Variants in ADAMTS18 observed in about 807,000 individuals in gnomAD.
ADAMTS18 encodes the protein ADAM metallopeptidase with thrombospondin type 1 motif 18, also known as A disintegrin and metalloproteinase with thrombospondin motifs 18.
Under a neutral mutation model 165.9 loss-of-function variants are expected in ADAMTS18, and 157 were observed. The ratio of observed to expected loss-of-function variants is 0.95; its 90% CI spans 0.83 to 1.08. The LOEUF is 1.08. Ranked by LOEUF, ADAMTS18 falls within the 50% of genes least tolerant of loss-of-function variation. The pLI is 0.00. For synonymous variants in ADAMTS18, 782 were observed against 578.2 expected, an observed-to-expected ratio of 1.35 and a Z score of -5.06; for missense variants, 2,040 against 1,534.0, an observed-to-expected ratio of 1.33 and a Z score of -5.51.
At chr16:77,287,381 C>T (rs1224451450) in intron 22 of ADAMTS18, among the ~76,000 whole-genome samples, 2 of 152,166 alleles carry the variant, frequency 1.3e-5, no homozygotes, top group African/African-American at 4.8e-5. Flanking sequence ...AAATCCTCAA[C>T]TTAGTAAACT....
intron 3 of ADAMTS18, among the ~76,000 whole-genome samples, chr16:77,426,947 G>A (rs920211273): frequency 3.3e-5 from 5 of 152,166 alleles, no homozygotes; most frequent in Non-Finnish European, 4.4e-5. Context: ...CTGGGAAGTT[G>A]AGGCTCCAGT....
chr16:77,329,079 C>G (rs1398681738), intron 12 of ADAMTS18, among the ~76,000 whole-genome samples: 1 of 151,654 alleles, frequency 6.6e-6, no homozygotes, highest in Non-Finnish European at 1.5e-5. Context: ...AGGGAGCTGG[C>G]CTTTTACAAT....
chr16:77,291,628 G>T, intron 20 of ADAMTS18, 150 bp from the exon 21 acceptor site: 1 of 856,564 alleles, frequency 1.2e-6, no homozygotes, highest in Non-Finnish European at 2.0e-6. Flanking sequence ...GGATCTTACA[G>T]ATACAGCAGC....
chr16:77,378,501 T>C (rs1051271244), intron 3 of ADAMTS18, among the ~76,000 whole-genome samples: 2 of 152,070 alleles, frequency 1.3e-5, no homozygotes, highest in African/African-American at 4.8e-5. Context: ...GATCACTTGA[T>C]GTCAGGAGTT....
chr16:77,334,410 A>G (rs2056253766), intron 12 of ADAMTS18, among the ~76,000 whole-genome samples: 1 of 112,886 alleles, frequency 8.9e-6, no homozygotes, highest in African/African-American at 3.7e-5. Context: ...ATATTATAGT[A>G]TATATTATAT....
chr16:77,314,164 G>C (rs939962285), intron 16 of ADAMTS18, among the ~76,000 whole-genome samples: 1 of 152,022 alleles, frequency 6.6e-6, no homozygotes, highest in Non-Finnish European at 1.5e-5. Context: ...GATGGGACTG[G>C]GTATCTCCAG....
chr16:77,365,738 C>T (rs1005502538), intron 4 of ADAMTS18, among the ~76,000 whole-genome samples: 1 of 152,102 alleles, frequency 6.6e-6, no homozygotes, highest in Non-Finnish European at 1.5e-5. Context: ...CTAACTAGTA[C>T]AGAAATAGTT....
intron 3 of ADAMTS18, among the ~76,000 whole-genome samples, chr16:77,383,940 T>A (rs2057069922): frequency 6.6e-6 from 1 of 152,102 alleles, no homozygotes; most frequent in South Asian, 2.1e-4. Context: ...AAGCCAACCT[T>A]GTCATTTTCT....
intron 12 of ADAMTS18, among the ~76,000 whole-genome samples, chr16:77,332,386 T>G (rs185810232): frequency 8.5e-5 from 13 of 152,294 alleles, no homozygotes; most frequent in Non-Finnish European, 1.6e-4. Context: ...GAGCTTGGGA[T>G]GAGGATGATG....
chr16:77,321,969 A>T (rs1161375627), intron 14 of ADAMTS18, among the ~76,000 whole-genome samples: 1 of 152,048 alleles, frequency 6.6e-6, no homozygotes, highest in Non-Finnish European at 1.5e-5. Context: ...CAGTCGGGCC[A>T]ACATGGCGAA....
At chr16:77,368,696 C>T (rs528037843) in intron 3 of ADAMTS18, among the ~76,000 whole-genome samples, 43 of 152,090 alleles carry the variant, frequency 2.8e-4, no homozygotes, top group African/African-American at 1.0e-3. Flanking sequence ...CAGGTGTGAG[C>T]CACCAGTTCT....
chr16:77,323,557 C>CTT (rs34433387), intron 13 of ADAMTS18, among the ~76,000 whole-genome samples: 2 of 141,080 alleles, frequency 1.4e-5, no homozygotes, highest in Non-Finnish European at 1.6e-5. Context: ...TAGAAAGTTC[C>CTT]TTTTTTTTTT....
chr16:77,322,234 T>G (rs1170297855), intron 14 of ADAMTS18, 102 bp downstream of exon 14: 2 of 1,411,146 alleles, frequency 1.4e-6, no homozygotes, highest in Non-Finnish European at 2.0e-6. Context: ...TGCCACCTGC[T>G]CTTCTCCAGA....
intron 3 of ADAMTS18, among the ~76,000 whole-genome samples, chr16:77,424,757 C>G (rs1395767745): frequency 6.6e-6 from 1 of 152,144 alleles, no homozygotes; most frequent in African/African-American, 2.4e-5. Context: ...AAGAAAACAT[C>G]ACTGATTTCA....
intron 3 of ADAMTS18, among the ~76,000 whole-genome samples, chr16:77,391,139 C>A (rs543391169): frequency 1.2e-4 from 18 of 152,088 alleles, no homozygotes; most frequent in Non-Finnish European, 2.2e-4. Context: ...AAGTTAAACG[C>A]ACAAATAGTT....
rs767266061 is a variant in ADAMTS18 at position 77,367,670 on chromosome 16, C to A, written c.549G>T (p.Gln183His). 1.2e-6 allele frequency: 2 copies of A among 1,614,158 alleles called. No homozygotes were observed. Among genetic ancestry groups the A allele is most frequent in the Non-Finnish European group, 1.7e-6 (2 of 1,180,034 alleles). The change falls in exon 4 of 23, where the codon CAG becomes CAT. Residue 183 changes from glutamine to histidine, a missense_variant. Coordinates refer to ENST00000282849, the MANE Select transcript of ADAMTS18 (RefSeq NM_199355.4). The stretch of plus-strand genomic sequence containing the variant: ...TGTAGTTGTGTTCCTGGGCCAGAAG[C>A]TGAGGTAATGGCGAGATGAGGAATT... ...KNEFLISPLP[Q>H]LLAQEHNYSS...
chr16:77,321,160 C>G lies in ADAMTS18; in HGVS notation c.2206G>C (p.Asp736His). 1 of 1,614,184 alleles carries G rather than the reference C, an allele frequency of 6.2e-7. No homozygotes were observed. Among genetic ancestry groups the G allele is most frequent in the Non-Finnish European group, 8.5e-7 (1 of 1,180,026 alleles). Residue 736 changes from aspartate to histidine, a missense_variant, in exon 15 of 23, where the codon GAT becomes CAT. Physicochemically the swap from Asp to His is moderately conservative, Grantham distance 81. Transcript: ENST00000282849. Reference protein sequence around the residue: ...DHELGSKAVSDACGVCKGDNS... With the variant: ...DHELGSKAVSHACGVCKGDNS... ...TCACCTTTGCAAACGCCACAAGCAT[C>G]TGAAACTGCTTTAGAGCCTAGTTCA...
intron 3 of ADAMTS18, among the ~76,000 whole-genome samples, chr16:77,411,608 T>G (rs59735826): frequency 2.0e-5 from 3 of 151,610 alleles, no homozygotes; most frequent in Admixed American, 6.6e-5. Context: ...AACTTTACCA[T>G]TGAATGGTGA....
chr16:77,319,933 C>G lies in ADAMTS18; in HGVS notation c.2448G>C (p.Gly816=). ...IDWPGEFPFA[G]TTFEYQRSFN... ...AAGAGCGCTGGTATTCAAACGTGGT[C>G]CCAGCGAAGGGGAACTCCCCAGGCC... is the stretch of plus-strand genomic sequence containing the variant. The change falls in exon 16 of 23, where the codon GGG becomes GGC. Residue 816 remains glycine, a synonymous_variant. Transcript: ENST00000282849. 1 of 1,614,204 alleles carries G rather than the reference C, an allele frequency of 6.2e-7. No homozygotes were observed. Among genetic ancestry groups the G allele is most frequent in the Non-Finnish European group, 8.5e-7 (1 of 1,180,034 alleles).
Sources: allele counts gnomAD v4.1 joint callset (sites outside exome capture counted in the v4.1 genomes callset), GRCh38; gene constraint gnomAD v4.1.1; transcripts MANE v1.5; gene names NCBI Gene and HGNC (gene_info 2026-07-23, HGNC 2026-07-21).